Variants in DGKB observed in about 807,000 individuals in gnomAD.
DGKB encodes the protein 90 kDa diacylglycerol kinase.
Under a neutral mutation model 114.3 loss-of-function variants are expected in DGKB, and 67 were observed. The ratio of observed to expected loss-of-function variants is 0.59; its 90% CI spans 0.48 to 0.72. The LOEUF is 0.72. Among genes scored for constraint, DGKB ranks in the 30% least tolerant of loss-of-function variants. DGKB has a pLI of 0.00. For missense variants in DGKB, 907 were observed against 975.2 expected, an observed-to-expected ratio of 0.93 and a Z score of 0.93; for synonymous variants, 398 against 323.1, an observed-to-expected ratio of 1.23 and a Z score of -2.49.
intron 1 of DGKB, among the ~76,000 whole-genome samples, chr7:14,885,600 A>C (rs1854933035): frequency 1.3e-5 from 2 of 151,950 alleles, no homozygotes; most frequent in Non-Finnish European, 2.9e-5. Context: ...AAACGTGCCT[A>C]CATACATGGA....
intron 21 of DGKB, among the ~76,000 whole-genome samples, chr7:14,457,883 T>C (rs571400103): frequency 6.6e-6 from 1 of 152,328 alleles, no homozygotes; most frequent in South Asian, 2.1e-4. Context: ...GGACTACTGG[T>C]GTAAAAAATC....
chr7:14,260,716 CT>C (rs1796648587), intron 23 of DGKB, among the ~76,000 whole-genome samples: 1 of 152,082 alleles, frequency 6.6e-6, no homozygotes. Flanking sequence ...TTTAGCAACC[CT>C]TTTGGTTTAA....
At chr7:14,784,831 T>G (rs1487445539) in intron 2 of DGKB, among the ~76,000 whole-genome samples, 1 of 152,250 alleles carries the variant, frequency 6.6e-6, no homozygotes, top group African/African-American at 2.4e-5. Context: ...TGCTGTTTTT[T>G]TTTTTAATGT....
rs558993958 is a variant in DGKB at position 14,717,038 on chromosome 7, G to A, written c.466+1504C>T. 2.6e-5 allele frequency among the ~76,000 whole-genome samples: 4 copies of A among 151,422 alleles called. No homozygotes were observed. The South Asian group carries it at 8.5e-4, about 32-fold the overall frequency. On this transcript the variant is annotated intron_variant, in intron 6 of 25. Transcript: ENST00000402815. Reference sequence around the variant, plus strand: ...AGAGAAGGGGGTTGAGAACACTAAAGAAAAGTAAATGGCAGGTCAGTGGAT... The same window carrying A: ...AGAGAAGGGGGTTGAGAACACTAAAAAAAAGTAAATGGCAGGTCAGTGGAT...
Position 14,247,181 on chromosome 7 carries a change from G to A in DGKB, c.2123-69030C>T, listed in dbSNP as rs151259699. ...ATGACAAAATTTCCTTCTTTTTAAG[G>A]CTGAAAAATATTCCACTGTGTGTGT... On this transcript the variant is annotated intron_variant, in intron 23 of 25. Transcript: ENST00000402815. Among the ~76,000 whole-genome samples the A allele has an allele frequency of 3.1e-3, 475 of 152,166 alleles. 3 individuals are homozygous for A. Among genetic ancestry groups the A allele is most frequent in the African/African-American group, 9.7e-3 (402 of 41,536 alleles).
intron 9 of DGKB, among the ~76,000 whole-genome samples, chr7:14,691,321 T>C (rs770093213): frequency 1.9e-4 from 29 of 152,106 alleles, no homozygotes; most frequent in Admixed American, 8.5e-4. Context: ...TAATTGACAA[T>C]AGACAATAAC....
rs536457923 is a variant in DGKB at position 14,835,309 on chromosome 7, C to T, written c.70+5885G>A. On this transcript the variant is annotated intron_variant, in intron 2 of 25. Transcript: ENST00000402815. The stretch of plus-strand genomic sequence containing the variant: ...TTTCATATTCAACTGCCTCAGCCAC[C>T]ACTATCACAATCCTAATTATAACAG... 5.3e-5 allele frequency among the ~76,000 whole-genome samples: 8 copies of T among 152,264 alleles called. No individual in the cohort carries two copies. In the South Asian group the frequency reaches 1.5e-3, roughly 28 times the overall value.
intron 21 of DGKB, among the ~76,000 whole-genome samples, chr7:14,390,816 T>G (rs1821198148): frequency 6.6e-6 from 1 of 152,204 alleles, no homozygotes; most frequent in Non-Finnish European, 1.5e-5. Context: ...ATATAATTAT[T>G]TAGATAAAAT....
chr7:14,467,769 A>G, intron 21 of DGKB, among the ~76,000 whole-genome samples: 1 of 152,212 alleles, frequency 6.6e-6, no homozygotes, highest in Non-Finnish European at 1.5e-5. Context: ...CATGTATTCC[A>G]AAAGAAATGC....
At chr7:14,717,239 C>A (rs1214295019) in intron 6 of DGKB, among the ~76,000 whole-genome samples, 2 of 152,092 alleles carry the variant, frequency 1.3e-5, no homozygotes, top group African/African-American at 4.8e-5. Flanking sequence ...AACAGCAAGA[C>A]TAAATACCAT....
At chr7:14,695,096 A>T (rs1373016307) in intron 8 of DGKB, among the ~76,000 whole-genome samples, 1 of 152,188 alleles carries the variant, frequency 6.6e-6, no homozygotes, top group Non-Finnish European at 1.5e-5. Context: ...AAAAGATGCA[A>T]TGCATGAAAT....
Position 14,630,261 on chromosome 7 carries a change from G to A in DGKB, c.1142C>T (p.Pro381Leu). The change falls in exon 14 of 26, where the codon CCC becomes CTC. Residue 381 changes from proline (P) to leucine (L), a missense_variant. Transcript: ENST00000402815. ...TTICPVVLTL[P>L]TSGVSVPEER... ...CTCAGGAACTGAAACTCCTGAAGTG[G>A]GCAGAGTCTGCTGAAAAAGAGAAGT... 1 of 1,556,950 alleles carries A rather than the reference G, an allele frequency of 6.4e-7. No individual in the cohort carries two copies. The highest frequency in any genetic ancestry group is 8.7e-7 in the Non-Finnish European group (1 of 1,150,918).
chr7:14,885,526 A>C (rs551302298), intron 1 of DGKB, among the ~76,000 whole-genome samples: 144 of 151,956 alleles, frequency 9.5e-4, no homozygotes, highest in African/African-American at 3.1e-3. Context: ...GAGAAGAAGG[A>C]GAATGCAAGG....
chr7:14,451,527 T>A (rs912926258), intron 21 of DGKB, among the ~76,000 whole-genome samples: 2 of 144,780 alleles, frequency 1.4e-5, no homozygotes, highest in South Asian at 2.2e-4. Context: ...CAATTCCTTA[T>A]AATAAATCTC....
At chr7:14,441,250 G>C (rs1255603774) in intron 21 of DGKB, among the ~76,000 whole-genome samples, 1 of 151,862 alleles carries the variant, frequency 6.6e-6, no homozygotes, top group African/African-American at 2.4e-5. Flanking sequence ...CAACTGATCT[G>C]CCCATCTCAG....
At chr7:14,806,406 T>C (rs4721375) in intron 2 of DGKB, among the ~76,000 whole-genome samples, 9,908 of 152,150 alleles carry the variant, frequency 0.065, 483 homozygotes, top group African/African-American at 0.13. Context: ...TAAATTAAAA[T>C]TTAGTTAAGC....
At chr7:14,700,200 A>G (rs1022596100) in intron 7 of DGKB, among the ~76,000 whole-genome samples, 2 of 146,540 alleles carry the variant, frequency 1.4e-5, no homozygotes, top group Non-Finnish European at 3.0e-5. Flanking sequence ...AAATAATAGC[A>G]TTTGAAAAAA....
chr7:14,725,602 T>TC (rs1829905631), intron 5 of DGKB, among the ~76,000 whole-genome samples: 7 of 152,022 alleles, frequency 4.6e-5, no homozygotes, highest in Admixed American at 2.0e-4. Flanking sequence ...ATGCCCAGGC[T>TC]GGAGTGCAGT....
intron 23 of DGKB, among the ~76,000 whole-genome samples, chr7:14,328,138 C>T (rs898204534): frequency 7.2e-5 from 11 of 152,158 alleles, no homozygotes; most frequent in African/African-American, 2.6e-4. Flanking sequence ...ACAGGATACT[C>T]TGAAAATTTG....
Sources: allele counts gnomAD v4.1 joint callset (sites outside exome capture counted in the v4.1 genomes callset), GRCh38; gene constraint gnomAD v4.1.1; transcripts MANE v1.5; gene names NCBI Gene and HGNC (gene_info 2026-07-23, HGNC 2026-07-21).